The following SLC7A2 variants were observed in gnomAD, a reference collection of about 807,000 sequenced individuals.
SLC7A2 encodes cationic amino acid transporter 2.
Under a neutral mutation model 58.9 loss-of-function variants are expected in SLC7A2, and 48 were observed. The observed-to-expected ratio is 0.82, with a 90% CI of 0.65 to 1.04. The LOEUF is 1.04. Among genes scored for constraint, SLC7A2 ranks in the 50% least tolerant of loss-of-function variants. The pLI is 0.00. For missense variants in SLC7A2, 1,029 were observed against 818.8 expected, an observed-to-expected ratio of 1.26 and a Z score of -3.13; for synonymous variants, 363 against 314.5, an observed-to-expected ratio of 1.15 and a Z score of -1.63.
chr8:17,498,541 G>A (rs1264844826), intron 1 of SLC7A2: 1 of 152,114 alleles, frequency 6.6e-6, no homozygotes, highest in African/African-American at 2.4e-5. Context: ...GCAGAACACA[G>A]GACTTCTTCC....
chr8:17,562,054 G>A lies in SLC7A2; in HGVS notation c.1615G>A (p.Ala539Thr). Reference sequence around the variant, plus strand: ...CGCGCTGTTTCTTGTTCTCTTCGTTGCCATCGTTCTCACCATCTGGAGGCA... The same window carrying A: ...CGCGCTGTTTCTTGTTCTCTTCGTTACCATCGTTCTCACCATCTGGAGGCA... ...LLALFLVLFVAIVLTIWRQPQ... is the reference protein window; with the variant it reads ...LLALFLVLFVTIVLTIWRQPQ... The change falls in exon 11 of 13, where the codon GCC becomes ACC. Residue 539 changes from alanine to threonine, a missense_variant. Transcript: ENST00000494857. 1.2e-6 allele frequency: 2 copies of A among 1,613,904 alleles called. No individual in the cohort carries two copies. The highest frequency in any genetic ancestry group is 1.7e-6 in the Non-Finnish European group (2 of 1,179,988).
chr8:17,554,587 T>A lies in SLC7A2; in HGVS notation c.1083T>A (p.Pro361=). 2 of 1,607,934 alleles carry A rather than the reference T, an allele frequency of 1.2e-6. No homozygotes were observed. Among genetic ancestry groups the A allele is most frequent in the South Asian group, 1.1e-5 (1 of 89,418 alleles). Residue 361 remains proline (P), a synonymous_variant, in exon 8 of 13, where the codon CCT becomes CCA. Coordinates refer to ENST00000494857, the MANE Select transcript of SLC7A2 (RefSeq NM_001370338.1). Reference sequence around the variant, plus strand: ...TTCTTGGATCCATTTTCCCAATGCCTCGTGTAATCTATGCTATGGCGGAGG... The same window carrying A: ...TTCTTGGATCCATTTTCCCAATGCCACGTGTAATCTATGCTATGGCGGAGG... The part of the protein sequence containing the change: ...TSLLGSIFPM[P]RVIYAMAEDG...
In SLC7A2 at chr8:17,543,497, A is replaced by T. The variant is rs753135168; in HGVS notation, c.158A>T (p.Tyr53Phe). ...GGAAGCACCCTTGGGGCCGGGGTTT[A>T]TGTCCTCGCTGGGGAGGTGGCCAAG... ...GVGSTLGAGV[Y>F]VLAGEVAKAD... The change falls in exon 3 of 13, where the codon TAT becomes TTT. Residue 53 changes from tyrosine to phenylalanine, a missense_variant. Coordinates refer to ENST00000494857, the MANE Select transcript of SLC7A2 (RefSeq NM_001370338.1). 4.3e-6 allele frequency: 7 copies of T among 1,613,892 alleles called. No individual in the cohort carries two copies. In the Admixed American group the frequency reaches 8.3e-5, roughly 19 times the overall value.
chr8:17,532,853 C>T (rs1801515665), intron 2 of SLC7A2, among the ~76,000 whole-genome samples: 2 of 152,174 alleles, frequency 1.3e-5, no homozygotes, highest in South Asian at 2.1e-4. Flanking sequence ...TCGTACTACT[C>T]ATGGAGTTTC....
chr8:17,554,391 T>G (rs540196910), intron 7 of SLC7A2, among the ~76,000 whole-genome samples, 169 bp from the exon 8 acceptor site: 1 of 152,308 alleles, frequency 6.6e-6, no homozygotes, highest in East Asian at 1.9e-4. Context: ...ATTTTTTAAA[T>G]GCCCTATCAT....
intron 2 of SLC7A2, among the ~76,000 whole-genome samples, chr8:17,531,564 C>G (rs572429896): frequency 5.9e-5 from 9 of 151,946 alleles, no homozygotes; most frequent in African/African-American, 1.9e-4. Context: ...TTTAAAATTC[C>G]TATTGATCAA....
At position 17,531,195 on chromosome 8, in the gene SLC7A2, C is replaced by T. The variant is rs568667384; in HGVS notation, c.-22-12123C>T. Reference sequence around the variant, plus strand: ...AAGACCTGAAGGTCAGATGAAACTCCTCTTTATAAAGAAGCAGCAAGAGCG... The same window carrying T: ...AAGACCTGAAGGTCAGATGAAACTCTTCTTTATAAAGAAGCAGCAAGAGCG... On this transcript the variant is annotated intron_variant, in intron 2 of 12. Transcript: ENST00000494857. 2.0e-5 allele frequency among the ~76,000 whole-genome samples: 3 copies of T among 152,300 alleles called. No individual in the cohort carries two copies. In the East Asian group the frequency reaches 5.8e-4, roughly 29 times the overall value.
intron 6 of SLC7A2, among the ~76,000 whole-genome samples, chr8:17,550,672 A>G (rs1802407259): frequency 6.6e-6 from 1 of 152,234 alleles, no homozygotes; most frequent in Non-Finnish European, 1.5e-5. Context: ...TAGTAGGAAG[A>G]TTACCTAAAA....
At chr8:17,516,412 C>G (rs1458636110) in intron 2 of SLC7A2, among the ~76,000 whole-genome samples, 1 of 152,114 alleles carries the variant, frequency 6.6e-6, no homozygotes, top group African/African-American at 2.4e-5. Flanking sequence ...TTAGCAGAGA[C>G]AGGGTTTTGC....
chr8:17,533,932 A>G (rs1801558880), intron 2 of SLC7A2, among the ~76,000 whole-genome samples: 1 of 151,796 alleles, frequency 6.6e-6, no homozygotes, highest in Non-Finnish European at 1.5e-5. Flanking sequence ...ACCCCCTGAC[A>G]GGCCCCAGTG....
chr8:17,538,045 C>G (rs1280220415), intron 2 of SLC7A2, among the ~76,000 whole-genome samples: 1 of 152,212 alleles, frequency 6.6e-6, no homozygotes, highest in East Asian at 1.9e-4. Context: ...CAGCAGCTGT[C>G]TTTACAGACT....
At position 17,567,432 on chromosome 8, in the gene SLC7A2, C is replaced by T. The variant is rs146681311; in HGVS notation, c.*2286C>T. The T allele has an allele frequency of 2.6e-5, 4 of 152,756 alleles. No homozygotes were observed. The highest frequency in any genetic ancestry group is 7.2e-5 in the African/African-American group (3 of 41,574). 9.5% of individuals were successfully genotyped at this position (152,756 alleles called of 1,614,324 possible). On this transcript the variant is annotated 3_prime_UTR_variant, in exon 13 of 13. Coordinates refer to ENST00000494857, the MANE Select transcript of SLC7A2 (RefSeq NM_001370338.1). ...AATTTAGTGAAAAATTATTTTTCCA[C>T]ATTGAAACACTTTGCAGACACAAAT...
chr8:17,544,964 A>G (rs1345752903), intron 4 of SLC7A2, among the ~76,000 whole-genome samples: 3 of 152,214 alleles, frequency 2.0e-5, no homozygotes, highest in Non-Finnish European at 2.9e-5. Flanking sequence ...TGCTAGATAC[A>G]ACTAGGGATA....
chr8:17,508,084 T>G (rs1219216678), intron 2 of SLC7A2, among the ~76,000 whole-genome samples: 2 of 146,264 alleles, frequency 1.4e-5, no homozygotes, highest in Non-Finnish European at 3.0e-5. Flanking sequence ...GCTATTGTGC[T>G]CTCTTTTTTT....
At chr8:17,534,869 G>A (rs776348788) in intron 2 of SLC7A2, among the ~76,000 whole-genome samples, 6 of 151,940 alleles carry the variant, frequency 3.9e-5, no homozygotes, top group South Asian at 4.1e-4. Context: ...CTACAAATCC[G>A]TGTGTCCCTT....
chr8:17,530,643 A>T (rs566673733), intron 2 of SLC7A2, among the ~76,000 whole-genome samples: 2 of 150,138 alleles, frequency 1.3e-5, no homozygotes, highest in African/African-American at 2.5e-5. Context: ...TGCAATCTCG[A>T]CTCACTGCAA....
At chr8:17,504,070 G>A (rs142821524) in intron 2 of SLC7A2, among the ~76,000 whole-genome samples, 7 of 152,316 alleles carry the variant, frequency 4.6e-5, no homozygotes, top group Non-Finnish European at 7.4e-5. Flanking sequence ...GTGAGATTTC[G>A]ATTTCAACTC....
chr8:17,524,486 A>G (rs1366722476), intron 2 of SLC7A2, among the ~76,000 whole-genome samples: 1 of 151,832 alleles, frequency 6.6e-6, no homozygotes, highest in Admixed American at 6.6e-5. Flanking sequence ...CATAAACAGG[A>G]ATGAAATAAT....
At position 17,562,046 on chromosome 8, in the gene SLC7A2, T is replaced by A; in HGVS notation, c.1607T>A (p.Leu536His). ...SLALLALFLV[L>H]FVAIVLTIWR... is the part of the protein sequence containing the mutation. ...GCTCTCCTCGCGCTGTTTCTTGTTC[T>A]CTTCGTTGCCATCGTTCTCACCATC... Residue 536 changes from leucine to histidine, a missense_variant, in exon 11 of 13, where the codon CTC (leucine) becomes CAC (histidine). Transcript: ENST00000494857. 1 of 1,614,116 alleles carries A rather than the reference T, an allele frequency of 6.2e-7. No individual in the cohort carries two copies. Among genetic ancestry groups the A allele is most frequent in the Non-Finnish European group, 8.5e-7 (1 of 1,180,002 alleles).
Sources: allele counts gnomAD v4.1 joint callset (sites outside exome capture counted in the v4.1 genomes callset), GRCh38; gene constraint gnomAD v4.1.1; transcripts MANE v1.5; gene names NCBI Gene and HGNC (gene_info 2026-07-23, HGNC 2026-07-21).